The following ABCA12 variants were observed in gnomAD, a reference collection of about 807,000 sequenced individuals.
ABCA12 encodes the protein glucosylceramide transporter ABCA12.
Under a neutral mutation model 293.5 loss-of-function variants are expected in ABCA12, and 156 were observed. The ratio of observed to expected loss-of-function variants is 0.53; its 90% CI spans 0.47 to 0.61. ABCA12 has a LOEUF of 0.61. Among genes scored for constraint, ABCA12 ranks in the 20% least tolerant of loss-of-function variants. The probability of loss-of-function intolerance (pLI) is 0.00; values close to 1 mark genes in which losing one functional copy is unlikely to be tolerated. For synonymous variants in ABCA12, 1,063 were observed against 1,108.0 expected (o/e 0.96, Z 0.81); for missense variants, 2,797 against 3,090.2 (o/e 0.91, Z 2.25).
chr2:215,127,047 G>C (rs1380093266), intron 1 of ABCA12, among the ~76,000 whole-genome samples: 1 of 151,952 alleles, frequency 6.6e-6, no homozygotes, highest in African/African-American at 2.4e-5. Context: ...TTTTGTTTTT[G>C]ACCCAATGTT....
chr2:215,002,524 G>A (rs976578541), intron 20 of ABCA12, among the ~76,000 whole-genome samples: 1 of 152,156 alleles, frequency 6.6e-6, no homozygotes, highest in African/African-American at 2.4e-5. Context: ...AGAAGGCTGC[G>A]AATATCATAA....
chr2:215,128,225 T>G (rs919834577), intron 1 of ABCA12, among the ~76,000 whole-genome samples: 1 of 152,206 alleles, frequency 6.6e-6, no homozygotes, highest in Non-Finnish European at 1.5e-5. Context: ...TCACAGCTCT[T>G]AAGACTCTTT....
At chr2:214,985,959 G>A (rs1486556016) in intron 28 of ABCA12, among the ~76,000 whole-genome samples, 2 of 152,158 alleles carry the variant, frequency 1.3e-5, no homozygotes, top group African/African-American at 4.8e-5. Flanking sequence ...AGAAAGAACA[G>A]CTTATGTTCT....
chr2:215,058,233 T>G (rs1701458555), intron 3 of ABCA12, among the ~76,000 whole-genome samples: 1 of 152,026 alleles, frequency 6.6e-6, no homozygotes, highest in African/African-American at 2.4e-5. Context: ...GGAGACATAT[T>G]TGGTTGTCAC....
intron 49 of ABCA12, among the ~76,000 whole-genome samples, chr2:214,944,687 T>A (rs1698520586): frequency 6.6e-6 from 1 of 152,018 alleles, no homozygotes; most frequent in African/African-American, 2.4e-5. Context: ...CCATAAGTCA[T>A]GAGAAATTCG....
chr2:215,110,482 T>C (rs1575050745), intron 2 of ABCA12, among the ~76,000 whole-genome samples: 1 of 152,312 alleles, frequency 6.6e-6, no homozygotes, highest in Non-Finnish European at 1.5e-5. Context: ...GCCACTGCAC[T>C]CCAGCCTGGG....
chr2:215,067,635 G>A (rs904247958), intron 2 of ABCA12, among the ~76,000 whole-genome samples: 1 of 152,108 alleles, frequency 6.6e-6, no homozygotes, highest in Non-Finnish European at 1.5e-5. Flanking sequence ...AGTAGGGTGA[G>A]GTATGTGTTG....
chr2:214,942,473 A>G (rs980549126), intron 50 of ABCA12, among the ~76,000 whole-genome samples: 1 of 152,184 alleles, frequency 6.6e-6, no homozygotes, highest in African/African-American at 2.4e-5. Context: ...ATTCTTGATT[A>G]AAAGGTTTTG....
At chr2:215,098,733 T>C (rs977709482) in intron 2 of ABCA12, among the ~76,000 whole-genome samples, 5 of 152,184 alleles carry the variant, frequency 3.3e-5, no homozygotes, top group African/African-American at 1.2e-4. Context: ...TAAGAACAAA[T>C]TAAATCTTGC....
At chr2:214,974,075 G>A (rs1699452650) in intron 35 of ABCA12, 33 bp from the exon 36 acceptor site, 2 of 1,551,720 alleles carry the variant, frequency 1.3e-6, no homozygotes, top group Non-Finnish European at 1.8e-6. Flanking sequence ...TGTGAGGTGT[G>A]TATGTATATG....
At chr2:215,049,387 A>C (rs949612187) in intron 6 of ABCA12, among the ~76,000 whole-genome samples, 3 of 152,194 alleles carry the variant, frequency 2.0e-5, no homozygotes, top group African/African-American at 7.2e-5. Flanking sequence ...TTTATTTATA[A>C]AGGTGTGTCC....
intron 21 of ABCA12, 33 bp downstream of exon 21, chr2:215,001,523 AAG>A: frequency 1.9e-6 from 3 of 1,613,066 alleles, no homozygotes; most frequent in Non-Finnish European, 2.5e-6. Flanking sequence ...TTTTAGCACA[AAG>A]AGATGCTCAA....
chr2:215,108,798 G>A (rs894462124), intron 2 of ABCA12, among the ~76,000 whole-genome samples: 3 of 152,076 alleles, frequency 2.0e-5, no homozygotes, highest in Admixed American at 6.6e-5. Flanking sequence ...GGCCAGGTGC[G>A]GTGACTCATG....
chr2:215,040,742 G>A (rs1189232253), intron 7 of ABCA12, among the ~76,000 whole-genome samples: 3 of 152,166 alleles, frequency 2.0e-5, no homozygotes, highest in African/African-American at 7.2e-5. Context: ...AATCCAAGAG[G>A]TGGAGGTTGC....
chr2:215,082,133 C>G lies in ABCA12; in HGVS notation c.164-17914G>C, dbSNP rs1575031710. ...GATCTCGGCTCACTGCAACCTCCAC[C>G]TCCTGGGTTCACGCCATTCTCCTGC... On this transcript the variant is annotated intron_variant, in intron 2 of 52. Coordinates refer to ENST00000272895, the MANE Select transcript of ABCA12 (RefSeq NM_173076.3). Among the ~76,000 whole-genome samples the G allele has an allele frequency of 2.0e-5, 3 of 150,026 alleles. No homozygotes were observed. In the South Asian group the frequency reaches 6.4e-4, roughly 32 times the overall value.
At chr2:214,939,302 G>C (rs1282834186) in intron 50 of ABCA12, among the ~76,000 whole-genome samples, 1 of 152,080 alleles carries the variant, frequency 6.6e-6, no homozygotes, top group South Asian at 2.1e-4. Context: ...TGAGGCCTCT[G>C]TTCTGTTCCA....
At chr2:215,001,876 T>A in intron 20 of ABCA12, 139 bp from the exon 21 acceptor site, 1 of 742,830 alleles carries the variant, frequency 1.3e-6, no homozygotes, top group Non-Finnish European at 2.1e-6. Flanking sequence ...TAAAAATATC[T>A]AGTATTCTAC....
chr2:214,938,479 C>T (rs547037686), intron 50 of ABCA12, among the ~76,000 whole-genome samples: 3 of 152,242 alleles, frequency 2.0e-5, no homozygotes, highest in African/African-American at 7.2e-5. Flanking sequence ...GGGACATACC[C>T]AGTAATGGGA....
chr2:214,959,688 A>G (rs1699060134), intron 39 of ABCA12, among the ~76,000 whole-genome samples: 3 of 152,184 alleles, frequency 2.0e-5, no homozygotes, highest in Non-Finnish European at 4.4e-5. Flanking sequence ...AATATCCAAG[A>G]GGATTCAGAG....
Sources: gnomAD v4.1 joint callset for allele counts (sites outside exome capture counted in the v4.1 genomes callset) on GRCh38, gnomAD v4.1.1 for gene constraint, MANE v1.5 for transcripts, NCBI Gene and HGNC (gene_info 2026-07-23, HGNC 2026-07-21) for gene names.